The following NXPE2 variants were observed in gnomAD, a reference collection of about 807,000 sequenced individuals.
The protein encoded by NXPE2 is neurexophilin and PC-esterase domain family member 2, also known as NXPE family member 2.
NXPE2 carries 34 observed loss-of-function variants against 34.4 expected under a neutral mutation model. The observed-to-expected ratio is 0.99, with a 90% CI of 0.75 to 1.31. NXPE2 has a LOEUF of 1.31. NXPE2 is among the 40% of genes most tolerant of loss of function. The pLI is 0.00. For synonymous variants in NXPE2, 235 were observed against 231.3 expected (o/e 1.02, Z -0.15); for missense variants, 649 against 672.5 (o/e 0.97, Z 0.39).
At chr11:114,645,255 C>G in the NXPE2 span, among the ~76,000 whole-genome samples, 1 of 152,042 alleles carries the variant, frequency 6.6e-6, no homozygotes, top group South Asian at 2.1e-4. Flanking sequence ...GAGCTGAGAT[C>G]ATGTCACTGC....
the NXPE2 span, among the ~76,000 whole-genome samples, chr11:114,762,189 G>T: frequency 6.6e-6 from 1 of 152,134 alleles, no homozygotes; most frequent in Non-Finnish European, 1.5e-5. Context: ...CAGGTGGATG[G>T]GGAGGAGGTT....
the NXPE2 span, among the ~76,000 whole-genome samples, chr11:114,505,465 G>T: frequency 7.4e-3 from 1,129 of 152,066 alleles, 18 homozygotes; most frequent in African/African-American, 0.025. Flanking sequence ...AATGTTAAAG[G>T]CAGCCAGAGA....
downstream of NXPE2, among the ~76,000 whole-genome samples, chr11:114,709,371 G>T (rs985502887): frequency 2.0e-5 from 3 of 152,184 alleles, no homozygotes; most frequent in Non-Finnish European, 4.4e-5. Context: ...GTTGGTAAGT[G>T]TCAAGTCTCT....
At chr11:114,554,164 G>A in the NXPE2 span, 18 of 985,160 alleles carry the variant, frequency 1.8e-5, no homozygotes, top group African/African-American at 2.4e-4. Flanking sequence ...TACAGAGCCC[G>A]CTAGTTGTCT....
chr11:114,520,555 G>A, the NXPE2 span, among the ~76,000 whole-genome samples: 2 of 152,146 alleles, frequency 1.3e-5, no homozygotes, highest in African/African-American at 4.8e-5. Context: ...TGGCTATTGT[G>A]AATAATGCTG....
chr11:114,464,841 T>A, the NXPE2 span, among the ~76,000 whole-genome samples: 1 of 151,770 alleles, frequency 6.6e-6, no homozygotes, highest in African/African-American at 2.4e-5. Context: ...ACAAAAATAT[T>A]TCCTACAAAA....
In NXPE2 at chr11:114,703,689, GATAGATAGATGA is replaced by G. The variant is rs1951413195; in HGVS notation, c.867-301_867-290del. On this transcript the variant is annotated intron_variant, in intron 3 of 5. Transcript: ENST00000389586. ...AGATAGATAGATAGATAGATAGATA[GATAGATAGATGA>G]TAGATAGATAGATAGACAGACAGAC... Among the ~76,000 whole-genome samples, 3 of 17,296 alleles carry G rather than the reference GATAGATAGATGA, an allele frequency of 1.7e-4. No homozygotes were observed. The East Asian group carries it at 9.8e-3, about 57-fold the overall frequency. The allele number at this position is 17,296 out of a possible 152,430, so 11.3% of individuals were successfully genotyped here. A position where few individuals can be genotyped will look rare whatever the true frequency, so the allele number is the denominator to read the frequency against.
chr11:114,741,872 T>G, the NXPE2 span, among the ~76,000 whole-genome samples: 1 of 152,204 alleles, frequency 6.6e-6, no homozygotes, highest in Non-Finnish European at 1.5e-5. Flanking sequence ...TTTCTTGAAT[T>G]TTTGTGTACC....
rs1191106582 is a variant in NXPE2 at position 114,678,708 on chromosome 11, A to G, written c.26+107A>G. ...ATGGTGTGATGCAACCCTTTAGAGG[A>G]TAGTAAAATCGTTTTATTTGGGCAT... On this transcript the variant is annotated intron_variant, in intron 1 of 5. Transcript: ENST00000389586. 5.1e-6 allele frequency: 4 copies of G among 788,528 alleles called. No homozygotes were observed. The East Asian group carries it at 1.1e-4, about 21-fold the overall frequency. The allele number at this position is 788,528 out of a possible 1,614,324, so 48.8% of individuals were successfully genotyped here.
the NXPE2 span, among the ~76,000 whole-genome samples, chr11:114,669,614 C>T: frequency 6.6e-6 from 1 of 152,070 alleles, no homozygotes; most frequent in East Asian, 1.9e-4. Flanking sequence ...CACTTCAGCT[C>T]ACTGGCTGAG....
chr11:114,775,260 G>A, the NXPE2 span, among the ~76,000 whole-genome samples: 1 of 152,234 alleles, frequency 6.6e-6, no homozygotes, highest in Admixed American at 6.5e-5. Flanking sequence ...CACAGGGTGA[G>A]AGGCTGGCCA....
the NXPE2 span, among the ~76,000 whole-genome samples, chr11:114,580,956 T>A: frequency 1.3e-5 from 2 of 152,148 alleles, no homozygotes; most frequent in African/African-American, 4.8e-5. Context: ...CGTGGCAGGT[T>A]TGATTATTAA....
chr11:114,727,728 GATAA>G, the NXPE2 span, among the ~76,000 whole-genome samples: 6 of 147,986 alleles, frequency 4.1e-5, no homozygotes, highest in Non-Finnish European at 9.0e-5. Context: ...TATTTAGGAA[GATAA>G]ATAATTATTT....
At chr11:114,624,472 AT>A in the NXPE2 span, among the ~76,000 whole-genome samples, 1 of 152,032 alleles carries the variant, frequency 6.6e-6, no homozygotes, top group African/African-American at 2.4e-5. Context: ...CTGCTGGATA[AT>A]AAGTATTGCC....
the NXPE2 span, among the ~76,000 whole-genome samples, chr11:114,626,378 G>A: frequency 5.9e-5 from 9 of 152,174 alleles, no homozygotes; most frequent in Non-Finnish European, 1.2e-4. Context: ...CCTGACCCCC[G>A]AGCAGCCTAA....
the NXPE2 span, chr11:114,530,052 C>T: frequency 2.0e-6 from 2 of 1,018,516 alleles, no homozygotes; most frequent in East Asian, 4.8e-5. Context: ...AAGAAGACAC[C>T]ACATGTCTTA....
the NXPE2 span, chr11:114,528,831 T>A: frequency 1.3e-5 from 9 of 678,198 alleles, no homozygotes; most frequent in Non-Finnish European, 1.4e-5. Flanking sequence ...CCAGGTGCCA[T>A]CCTGAGAAGA....
the NXPE2 span, among the ~76,000 whole-genome samples, chr11:114,787,300 C>T: frequency 2.0e-5 from 3 of 152,206 alleles, no homozygotes; most frequent in Non-Finnish European, 2.9e-5. Flanking sequence ...GGGGCATCCT[C>T]ATTCTTCCCC....
the NXPE2 span, among the ~76,000 whole-genome samples, chr11:114,534,495 G>A: frequency 8.5e-5 from 13 of 152,158 alleles, no homozygotes; most frequent in African/African-American, 3.1e-4. Flanking sequence ...CTGAGCTAAA[G>A]GAGGAAGTTC....
Sources: gnomAD v4.1 joint callset for allele counts (sites outside exome capture counted in the v4.1 genomes callset) on GRCh38, gnomAD v4.1.1 for gene constraint, MANE v1.5 for transcripts, NCBI Gene and HGNC (gene_info 2026-07-23, HGNC 2026-07-21) for gene names.